CFAP90: variants seen among roughly 807,000 people sequenced by gnomAD.
The protein encoded by CFAP90 is cilia- and flagella-associated protein 90.
chr5:7,835,124 G>T, the CFAP90 span, among the ~76,000 whole-genome samples: 3 of 152,148 alleles, frequency 2.0e-5, no homozygotes, highest in Admixed American at 2.0e-4. Flanking sequence ...ATAGCATTAT[G>T]TCTGAAAAAT....
At chr5:7,844,648 C>G in the CFAP90 span, among the ~76,000 whole-genome samples, 1 of 152,124 alleles carries the variant, frequency 6.6e-6, no homozygotes, top group South Asian at 2.1e-4. Context: ...GCAGAGAGGT[C>G]ATAATTTCAC....
At chr5:7,838,616 C>T in the CFAP90 span, among the ~76,000 whole-genome samples, 3 of 152,216 alleles carry the variant, frequency 2.0e-5, no homozygotes, top group Non-Finnish European at 4.4e-5. Context: ...CACCCCCATG[C>T]CACCCCACAT....
chr5:7,844,217 G>T, the CFAP90 span, among the ~76,000 whole-genome samples: 3 of 152,160 alleles, frequency 2.0e-5, no homozygotes, highest in Admixed American at 2.0e-4. Flanking sequence ...GGTCACTGGA[G>T]AGTGAAAATG....
the CFAP90 span, among the ~76,000 whole-genome samples, chr5:7,832,582 G>C: frequency 1.3e-5 from 2 of 152,136 alleles, no homozygotes; most frequent in South Asian, 2.1e-4. Flanking sequence ...CTGCCTCCCA[G>C]GTTCAAGCAA....
chr5:7,837,217 T>A, the CFAP90 span, among the ~76,000 whole-genome samples: 10 of 152,222 alleles, frequency 6.6e-5, no homozygotes, highest in South Asian at 2.1e-3. Flanking sequence ...TCATCCCAAC[T>A]TTTTCTGAGT....
chr5:7,845,093 T>C, the CFAP90 span, among the ~76,000 whole-genome samples: 1 of 152,154 alleles, frequency 6.6e-6, no homozygotes, highest in Non-Finnish European at 1.5e-5. Context: ...AAAGACCTTC[T>C]TCACCTGCTG....
the CFAP90 span, among the ~76,000 whole-genome samples, chr5:7,836,916 C>G: frequency 0.031 from 4,649 of 152,054 alleles, 226 homozygotes; most frequent in African/African-American, 0.11. Context: ...AAAACTTGAG[C>G]CTTCTTCTTG....
chr5:7,835,363 T>TTTGTTA, the CFAP90 span: 1 of 1,347,710 alleles, frequency 7.4e-7, no homozygotes, highest in Admixed American at 1.9e-5. Flanking sequence ...AACTTGTTAA[T>TTTGTTA]ATTCTGTCTT....
the CFAP90 span, among the ~76,000 whole-genome samples, chr5:7,849,791 A>G: frequency 2.0e-5 from 3 of 149,418 alleles, no homozygotes; most frequent in African/African-American, 7.5e-5. Context: ...CTCGCCAGCT[A>G]TTCCTTCTGG....
the CFAP90 span, among the ~76,000 whole-genome samples, chr5:7,839,102 T>C: frequency 1.3e-5 from 2 of 152,202 alleles, no homozygotes; most frequent in Non-Finnish European, 2.9e-5. Flanking sequence ...AGAGAGAGCT[T>C]GTGCAGGGAA....
chr5:7,832,211 C>T, the CFAP90 span, among the ~76,000 whole-genome samples: 15 of 152,276 alleles, frequency 9.9e-5, no homozygotes, highest in African/African-American at 2.9e-4. Context: ...GGCAGGGAAC[C>T]GTTGAATTTG....
the CFAP90 span, among the ~76,000 whole-genome samples, chr5:7,839,063 A>G: frequency 6.6e-6 from 1 of 152,202 alleles, no homozygotes; most frequent in Non-Finnish European, 1.5e-5. Flanking sequence ...GCAGAAGGTG[A>G]AAGGCACTTC....
chr5:7,830,553 C>G, the CFAP90 span: 1 of 152,100 alleles, frequency 6.6e-6, no homozygotes, highest in Non-Finnish European at 1.5e-5. Flanking sequence ...AAACTACTGC[C>G]ATTTGTTTGA....
At chr5:7,849,668 G>T in the CFAP90 span, among the ~76,000 whole-genome samples, 1 of 152,198 alleles carries the variant, frequency 6.6e-6, no homozygotes, top group South Asian at 2.1e-4. Flanking sequence ...GGGAGATGCA[G>T]GGTGCCCAGT....
the CFAP90 span, chr5:7,835,590 G>T: frequency 1.4e-6 from 1 of 717,500 alleles, no homozygotes; most frequent in Non-Finnish European, 2.4e-6. Flanking sequence ...CTTTCCCAAG[G>T]GAGGCTGGAG....
the CFAP90 span, among the ~76,000 whole-genome samples, chr5:7,847,900 T>A: frequency 6.6e-6 from 1 of 152,200 alleles, no homozygotes; most frequent in East Asian, 1.9e-4. Context: ...GGTGCCCCCA[T>A]CTTATTTACA....
At chr5:7,851,065 G>T in the CFAP90 span, 1 of 1,235,856 alleles carries the variant, frequency 8.1e-7, no homozygotes, top group Non-Finnish European at 1.0e-6. Context: ...GGTCCGTCCC[G>T]CCCGCCCAGG....
chr5:7,850,680 A>C, the CFAP90 span, among the ~76,000 whole-genome samples: 1 of 111,796 alleles, frequency 8.9e-6, no homozygotes, highest in South Asian at 3.1e-4. Flanking sequence ...CCTTTCCCTA[A>C]GGTGAACCCC....
At chr5:7,850,541 C>T in the CFAP90 span, among the ~76,000 whole-genome samples, 2 of 148,664 alleles carry the variant, frequency 1.3e-5, no homozygotes, top group Non-Finnish European at 3.0e-5. Flanking sequence ...TGCCCCAAGG[C>T]CCCAGTCCCT....
Sources: allele counts gnomAD v4.1 joint callset (sites outside exome capture counted in the v4.1 genomes callset), GRCh38; gene constraint gnomAD v4.1.1; transcripts MANE v1.5; gene names NCBI Gene and HGNC (gene_info 2026-07-23, HGNC 2026-07-21).